Variants in SLC1A1 observed in about 807,000 individuals in gnomAD.
SLC1A1 encodes excitatory amino acid transporter 3.
Under a neutral mutation model 53.3 loss-of-function variants are expected in SLC1A1, and 43 were observed. The ratio of observed to expected loss-of-function variants is 0.81; its 90% CI spans 0.63 to 1.04. The LOEUF (loss-of-function observed/expected upper bound fraction) is 1.04. Among genes scored for constraint, SLC1A1 ranks in the 50% least tolerant of loss-of-function variants. The probability of loss-of-function intolerance (pLI) is 0.00; values close to 1 mark genes in which losing one functional copy is unlikely to be tolerated. For synonymous variants in SLC1A1, 307 were observed against 243.2 expected (o/e 1.26, Z -2.44); for missense variants, 748 against 664.9 (o/e 1.12, Z -1.37).
At chr9:4,519,039 T>G (rs187484008) in intron 1 of SLC1A1, among the ~76,000 whole-genome samples, 2 of 152,248 alleles carry the variant, frequency 1.3e-5, no homozygotes, top group Non-Finnish European at 2.9e-5. Flanking sequence ...CCCTTTCAGC[T>G]GTATTTATAA....
chr9:4,575,550 A>G (rs764323858), intron 8 of SLC1A1, among the ~76,000 whole-genome samples: 12 of 152,160 alleles, frequency 7.9e-5, no homozygotes, highest in Non-Finnish European at 1.6e-4. Flanking sequence ...GGTATAAGGT[A>G]GTGGTGACAT....
chr9:4,564,010 A>G (rs1395476706), intron 3 of SLC1A1, among the ~76,000 whole-genome samples: 2 of 152,190 alleles, frequency 1.3e-5, no homozygotes, highest in African/African-American at 2.4e-5. Flanking sequence ...GGCTGGTCTC[A>G]TAAGTTCAAG....
intron 1 of SLC1A1, among the ~76,000 whole-genome samples, chr9:4,510,969 C>G (rs1057416418): frequency 6.6e-6 from 1 of 152,228 alleles, no homozygotes; most frequent in Admixed American, 6.5e-5. Flanking sequence ...TTAGCAAGAG[C>G]AACAGACCTG....
At chr9:4,504,269 T>A (rs1820728109) in intron 1 of SLC1A1, among the ~76,000 whole-genome samples, 1 of 152,178 alleles carries the variant, frequency 6.6e-6, no homozygotes, top group Non-Finnish European at 1.5e-5. Flanking sequence ...GCTACGGTAT[T>A]TAGCAACTCT....
At chr9:4,515,853 T>A (rs1821144431) in intron 1 of SLC1A1, among the ~76,000 whole-genome samples, 1 of 152,200 alleles carries the variant, frequency 6.6e-6, no homozygotes, top group Non-Finnish European at 1.5e-5. Context: ...AAGGCCAGGC[T>A]GTGTTGTGGA....
At chr9:4,507,920 C>T (rs896857668) in intron 1 of SLC1A1, among the ~76,000 whole-genome samples, 3 of 152,112 alleles carry the variant, frequency 2.0e-5, no homozygotes, top group Admixed American at 1.3e-4. Context: ...AAGGTGTTTA[C>T]AGGCATGTGA....
At chr9:4,536,167 T>A in intron 1 of SLC1A1, among the ~76,000 whole-genome samples, 1 of 152,200 alleles carries the variant, frequency 6.6e-6, no homozygotes, top group South Asian at 2.1e-4. Context: ...CCAAAAGCAA[T>A]GGCAACAAAA....
Position 4,514,646 on chromosome 9 carries a change from G to A in SLC1A1, c.91+23876G>A, listed in dbSNP as rs548672059. Among the ~76,000 whole-genome samples the A allele has an allele frequency of 9.9e-5, 15 of 152,244 alleles. No individual in the cohort carries two copies. In the South Asian group the frequency reaches 2.9e-3, roughly 29 times the overall value. ...GAACTGACACAGTGGGCATGGTTGG[G>A]GTTGGGGCTGGGGCTAGGGTGGGTC... On this transcript the variant is annotated intron_variant, in intron 1 of 11. Coordinates refer to ENST00000262352, the MANE Select transcript of SLC1A1 (RefSeq NM_004170.6).
At chr9:4,515,535 A>T (rs927483980) in intron 1 of SLC1A1, among the ~76,000 whole-genome samples, 40 of 152,206 alleles carry the variant, frequency 2.6e-4, no homozygotes, top group African/African-American at 9.4e-4. Context: ...AATGGAAGCT[A>T]TAAAAACAGA....
intron 2 of SLC1A1, among the ~76,000 whole-genome samples, chr9:4,554,874 C>T (rs944217481): frequency 6.6e-6 from 1 of 152,174 alleles, no homozygotes; most frequent in Non-Finnish European, 1.5e-5. Flanking sequence ...GAATACCTTC[C>T]ATCTGCTCAG....
chr9:4,530,428 G>A (rs777866401), intron 1 of SLC1A1, among the ~76,000 whole-genome samples: 23 of 152,174 alleles, frequency 1.5e-4, no homozygotes, highest in Non-Finnish European at 2.8e-4. Flanking sequence ...GGGAGAAGCA[G>A]CAATCCCTCT....
At chr9:4,562,419 TTGAGTA>T (rs1196228319) in intron 3 of SLC1A1, among the ~76,000 whole-genome samples, 1 of 152,040 alleles carries the variant, frequency 6.6e-6, no homozygotes, top group Non-Finnish European at 1.5e-5. Flanking sequence ...AATAGTGGAG[TTGAGTA>T]TAATTATAAA....
At chr9:4,492,348 G>A (rs973750483) in intron 1 of SLC1A1, among the ~76,000 whole-genome samples, 7 of 152,044 alleles carry the variant, frequency 4.6e-5, no homozygotes, top group Non-Finnish European at 1.0e-4. Flanking sequence ...AGGGCAAGGT[G>A]GCTCATGCCT....
rs535805861 is a variant in SLC1A1, at chr9:4,586,501, G to C, written c.*943G>C. The C allele has an allele frequency of 1.8e-4, 27 of 152,248 alleles. No individual in the cohort carries two copies. The highest frequency in any genetic ancestry group is 6.5e-4 in the African/African-American group (27 of 41,540). The allele number at this position is 152,248 out of a possible 1,614,324, so 9.4% of individuals were successfully genotyped here. A position where few individuals can be genotyped will look rare whatever the true frequency, so the allele number is the denominator to read the frequency against. On this transcript the variant is annotated 3_prime_UTR_variant, in exon 12 of 12. Transcript: ENST00000262352. ...CCATTCATTTACAACTTCCAGATTT[G>C]AGCTGCCTGGAGGGAATCCATATCA...
At chr9:4,527,626 A>G (rs1288050828) in intron 1 of SLC1A1, among the ~76,000 whole-genome samples, 1 of 152,172 alleles carries the variant, frequency 6.6e-6, no homozygotes, top group Non-Finnish European at 1.5e-5. Context: ...ATTTTAGATA[A>G]AATTTCCACA....
At chr9:4,534,313 G>C (rs1219648847) in intron 1 of SLC1A1, among the ~76,000 whole-genome samples, 2 of 152,084 alleles carry the variant, frequency 1.3e-5, no homozygotes, top group African/African-American at 2.4e-5. Context: ...TAGACTGCTA[G>C]CAAGAGTAAT....
At chr9:4,503,178 C>A (rs758170489) in intron 1 of SLC1A1, among the ~76,000 whole-genome samples, 2 of 151,774 alleles carry the variant, frequency 1.3e-5, no homozygotes, top group Admixed American at 6.6e-5. Flanking sequence ...TGTTCTGTGG[C>A]AGACATCACT....
chr9:4,532,309 C>T (rs1816502824), intron 1 of SLC1A1, among the ~76,000 whole-genome samples: 1 of 151,866 alleles, frequency 6.6e-6, no homozygotes, highest in African/African-American at 2.4e-5. Flanking sequence ...AGTTAAAAAC[C>T]TTGAAAAAAA....
At chr9:4,540,673 G>A (rs72687889) in intron 1 of SLC1A1, among the ~76,000 whole-genome samples, 5,121 of 152,244 alleles carry the variant, frequency 0.034, 144 homozygotes, top group South Asian at 0.055. Flanking sequence ...GAAGTGCAAC[G>A]GGTCCAAGTG....
Sources: gnomAD v4.1 joint callset for allele counts (sites outside exome capture counted in the v4.1 genomes callset) on GRCh38, gnomAD v4.1.1 for gene constraint, MANE v1.5 for transcripts, NCBI Gene and HGNC (gene_info 2026-07-23, HGNC 2026-07-21) for gene names.